BDP1: variants seen among roughly 807,000 people sequenced by gnomAD.
BDP1 encodes the protein BDP1 general transcription factor IIIB subunit, also known as transcription factor TFIIIB component B'' homolog.
BDP1 carries 169 observed loss-of-function variants against 266.6 expected under a neutral mutation model. The ratio of observed to expected loss-of-function variants is 0.63; its 90% CI spans 0.56 to 0.72. BDP1 has a LOEUF of 0.72. BDP1 is among the 30% of genes least tolerant of loss of function. The pLI is 0.00. For synonymous variants in BDP1, 1,090 were observed against 1,022.4 expected, an observed-to-expected ratio of 1.07 and a Z score of -1.26; for missense variants, 3,015 against 3,053.8, an observed-to-expected ratio of 0.99 and a Z score of 0.30.
In BDP1 at chr5:71,567,680, C is replaced by G. The variant is rs1744111495; in HGVS notation, c.*2795C>G. 6.6e-6 allele frequency: 1 copy of G among 152,424 alleles called. No individual in the cohort carries two copies. The highest frequency in any genetic ancestry group is 2.4e-5 in the African/African-American group (1 of 41,370). 9.4% of individuals were successfully genotyped at this position (152,424 alleles called of 1,614,324 possible). A position where few individuals can be genotyped will look rare whatever the true frequency, so the allele number is the denominator to read the frequency against. On this transcript the variant is annotated 3_prime_UTR_variant, in exon 39 of 39. Transcript: ENST00000358731. Reference sequence around the variant, plus strand: ...CTGTTTACCATCATGTTATTTGAAACAAAAGTGACCATGTATACTATCTTG... The same window carrying G: ...CTGTTTACCATCATGTTATTTGAAAGAAAAGTGACCATGTATACTATCTTG...
chr5:71,522,086 A>T (rs1037813570), intron 22 of BDP1, among the ~76,000 whole-genome samples: 1 of 152,190 alleles, frequency 6.6e-6, no homozygotes, highest in African/African-American at 2.4e-5. Context: ...CTCTATAGAA[A>T]ATGGAAGCTA....
At chr5:71,496,068 C>T (rs912401955) in intron 12 of BDP1, among the ~76,000 whole-genome samples, 1 of 151,970 alleles carries the variant, frequency 6.6e-6, no homozygotes, top group Non-Finnish European at 1.5e-5. Context: ...CAGTGAAACG[C>T]TGTCTCTGCT....
chr5:71,568,319 A>G (rs1744145863), downstream of BDP1, among the ~76,000 whole-genome samples: 1 of 152,168 alleles, frequency 6.6e-6, no homozygotes, highest in Non-Finnish European at 1.5e-5. Context: ...GGGTTTCACT[A>G]AAAATCGGCA....
At chr5:71,503,307 C>A (rs928856263) in intron 15 of BDP1, among the ~76,000 whole-genome samples, 4 of 152,082 alleles carry the variant, frequency 2.6e-5, no homozygotes, top group Non-Finnish European at 4.4e-5. Context: ...CTTTTCAAAA[C>A]AGTACTGCAC....
intron 26 of BDP1, among the ~76,000 whole-genome samples, chr5:71,532,767 T>C (rs1359052248): frequency 6.6e-6 from 1 of 152,246 alleles, no homozygotes; most frequent in Non-Finnish European, 1.5e-5. Flanking sequence ...AAATTGTAAC[T>C]TTTTAAAAAC....
chr5:71,498,245 C>T (rs545722662), intron 13 of BDP1, among the ~76,000 whole-genome samples: 7 of 150,708 alleles, frequency 4.6e-5, no homozygotes, highest in East Asian at 2.0e-4. Context: ...CCACCGCACC[C>T]GGCCTGATTT....
intron 25 of BDP1, among the ~76,000 whole-genome samples, chr5:71,530,668 G>T (rs1006143815): frequency 6.6e-6 from 1 of 152,094 alleles, no homozygotes; most frequent in Non-Finnish European, 1.5e-5. Flanking sequence ...ACAGGCATGT[G>T]CCCCCGTGCT....
intron 11 of BDP1, among the ~76,000 whole-genome samples, chr5:71,494,261 A>G (rs971626708): frequency 6.6e-6 from 1 of 152,188 alleles, no homozygotes; most frequent in Non-Finnish European, 1.5e-5. Context: ...AAAAAGAAAA[A>G]GGTATGGCTA....
At chr5:71,469,015 A>G (rs1002171571) in intron 6 of BDP1, among the ~76,000 whole-genome samples, 1 of 152,214 alleles carries the variant, frequency 6.6e-6, no homozygotes, top group Non-Finnish European at 1.5e-5. Context: ...GTTGGTGCTT[A>G]TTGTTTTTAT....
chr5:71,524,474 T>A, intron 25 of BDP1, 151 bp downstream of exon 25: 1 of 863,558 alleles, frequency 1.2e-6, no homozygotes, highest in Non-Finnish European at 1.7e-6. Flanking sequence ...ATTTGGGGCC[T>A]TGTATAACCT....
intron 13 of BDP1, among the ~76,000 whole-genome samples, chr5:71,498,544 C>A (rs978298676): frequency 6.6e-6 from 1 of 151,374 alleles, no homozygotes; most frequent in African/African-American, 2.4e-5. Context: ...CTGCCTCAGT[C>A]TCCCAAGTAG....
chr5:71,523,108 A>C (rs1428429565), intron 24 of BDP1, among the ~76,000 whole-genome samples, 159 bp downstream of exon 24: 1 of 152,238 alleles, frequency 6.6e-6, no homozygotes. Flanking sequence ...CTAAGTAATT[A>C]AGGTGCTCAT....
At chr5:71,547,524 C>T (rs1304419264) in intron 32 of BDP1, among the ~76,000 whole-genome samples, 2 of 152,196 alleles carry the variant, frequency 1.3e-5, no homozygotes, top group Non-Finnish European at 2.9e-5. Context: ...ATAATGGCAT[C>T]TTTTCCATTC....
chr5:71,491,047 C>G lies in BDP1; in HGVS notation c.1556C>G (p.Ser519Cys). ...GAATGCAGTAAGGAGCAGATGCTTT[C>G]CTGCACACAAAACATAGATGGCATT... ...EGECSKEQML[S>C]CTQNIDGIVG... Residue 519 changes from serine to cysteine, a missense_variant, in exon 11 of 39, where the codon TCC becomes TGC. Physicochemically the swap from Ser to Cys is moderately radical, Grantham distance 112 (BLOSUM62 -1). Coordinates refer to ENST00000358731, the MANE Select transcript of BDP1 (RefSeq NM_018429.3). The G allele has an allele frequency of 6.2e-7, 1 of 1,613,928 alleles. No individual in the cohort carries two copies. The highest frequency in any genetic ancestry group is 8.5e-7 in the Non-Finnish European group (1 of 1,179,860).
At chr5:71,479,009 ATTTC>A (rs1204022412) in intron 7 of BDP1, among the ~76,000 whole-genome samples, 29 of 151,912 alleles carry the variant, frequency 1.9e-4, no homozygotes, top group Admixed American at 1.3e-3. Flanking sequence ...TGTATTTCTT[ATTTC>A]TGTAATTTTC....
In BDP1 at chr5:71,510,197, A is replaced by G. The variant is rs140158048; in HGVS notation, c.3105A>G (p.Ile1035Met). ...TPEVIDATEE[I>M]DLEETEREVS... ...AGGTGATTGATGCTACTGAGGAAAT[A>G]GATTTGGAAGAAACTGAAAGAGAAG... is the stretch of plus-strand genomic sequence containing the variant. The change falls in exon 17 of 39, where the codon ATA becomes ATG. Residue 1035 changes from isoleucine (I) to methionine (M), a missense_variant. Ile to Met is a conservative substitution (Grantham distance 10, BLOSUM62 1). Transcript: ENST00000358731. The G allele has an allele frequency of 1.5e-4, 249 of 1,613,990 alleles. No homozygotes were observed. The African/African-American group carries it at 3.1e-3, about 20-fold the overall frequency.
intron 32 of BDP1, among the ~76,000 whole-genome samples, chr5:71,548,158 G>A (rs915019361): frequency 6.6e-5 from 10 of 151,882 alleles, no homozygotes; most frequent in Non-Finnish European, 1.3e-4. Flanking sequence ...GTGTGGTGGC[G>A]TGCATCTGTA....
rs374473118 is a variant in BDP1 at position 71,455,876 on chromosome 5, C to T, written c.-2C>T. On this transcript the variant is annotated 5_prime_UTR_variant, in exon 1 of 39. Transcript: ENST00000358731. ...TGCCTCCCCGGGCCCCCTGCCTCCG[C>T]CATGTTCCGCAGGGCACGCCTTAGC... is the stretch of plus-strand genomic sequence containing the variant. 23 of 1,575,790 alleles carry T rather than the reference C, an allele frequency of 1.5e-5. No homozygotes were observed. The East Asian group carries it at 3.5e-4, about 24-fold the overall frequency.
At chr5:71,571,116 T>A (rs1373231605), downstream of BDP1, among the ~76,000 whole-genome samples, 1 of 152,188 alleles carries the variant, frequency 6.6e-6, no homozygotes, top group Admixed American at 6.5e-5. Flanking sequence ...AGAAGAATAG[T>A]GCTATGTTAT....
Sources: gnomAD v4.1 joint callset for allele counts (sites outside exome capture counted in the v4.1 genomes callset) on GRCh38, gnomAD v4.1.1 for gene constraint, MANE v1.5 for transcripts, NCBI Gene and HGNC (gene_info 2026-07-23, HGNC 2026-07-21) for gene names.